The following RETREG1 variants were observed in gnomAD, a reference collection of about 807,000 sequenced individuals.
The protein encoded by RETREG1 is reticulophagy regulator 1, also known as family with sequence similarity 134 member B.
RETREG1 carries 44 observed loss-of-function variants against 54.8 expected under a neutral mutation model. That is an observed-to-expected ratio of 0.80 (90% confidence interval 0.63 to 1.03). The LOEUF is 1.03. RETREG1 is among the 50% of genes least tolerant of loss of function. RETREG1 has a pLI of 0.00. For synonymous variants in RETREG1, 217 were observed against 238.5 expected (o/e 0.91, Z 0.83); for missense variants, 554 against 605.1 (o/e 0.92, Z 0.89).
In RETREG1 at chr5:16,478,915, G is replaced by A. The variant is rs1172646761; in HGVS notation, c.743C>T (p.Ser248Leu). Reference protein sequence around the residue: ...IGQKIYSKIKSVLLKLDFGIG... With the variant: ...IGQKIYSKIKLVLLKLDFGIG... Reference sequence around the variant, plus strand: ...TCCAAAATCCAGTTTCAGCAGAACTGACTTAATTTTGCTGTAAATTTTTTG... The same window carrying A: ...TCCAAAATCCAGTTTCAGCAGAACTAACTTAATTTTGCTGTAAATTTTTTG... The change falls in exon 6 of 9, where the codon TCA becomes TTA. Residue 248 changes from serine (S) to leucine (L), a missense_variant. Physicochemically the swap from Ser to Leu is moderately radical, Grantham distance 145. Around this residue, in one of 4 missense-constraint regions of RETREG1, gnomAD observed 347 missense variants for 412.3 expected, o/e 0.84. Coordinates refer to ENST00000306320, the MANE Select transcript of RETREG1 (RefSeq NM_001034850.3). 5 of 1,611,488 alleles carry A rather than the reference G, an allele frequency of 3.1e-6. No individual in the cohort carries two copies. The highest frequency in any genetic ancestry group is 3.3e-5 in the Admixed American group (2 of 59,856).
chr5:16,610,901 A>G (rs1049607068), intron 1 of RETREG1, among the ~76,000 whole-genome samples: 3 of 152,184 alleles, frequency 2.0e-5, no homozygotes, highest in African/African-American at 4.8e-5. Context: ...CCATCCCATT[A>G]CTGGGTATAT....
At chr5:16,539,618 C>T (rs1042816409) in intron 3 of RETREG1, among the ~76,000 whole-genome samples, 65 of 152,210 alleles carry the variant, frequency 4.3e-4, no homozygotes, top group African/African-American at 1.4e-3. Flanking sequence ...GCTCCTGCAA[C>T]TGAGCCTCCC....
At chr5:16,603,592 G>A (rs1743104111) in intron 1 of RETREG1, among the ~76,000 whole-genome samples, 1 of 152,158 alleles carries the variant, frequency 6.6e-6, no homozygotes, top group South Asian at 2.1e-4. Flanking sequence ...GAGTGGGTGA[G>A]AAGAGGCACT....
At chr5:16,590,920 C>T (rs545744827) in intron 1 of RETREG1, among the ~76,000 whole-genome samples, 1 of 151,364 alleles carries the variant, frequency 6.6e-6, no homozygotes, top group African/African-American at 2.4e-5. Context: ...AAAAAACACA[C>T]ACATGCAAAT....
intron 3 of RETREG1, among the ~76,000 whole-genome samples, chr5:16,512,410 C>T (rs1263443624): frequency 1.1e-4 from 17 of 152,156 alleles, no homozygotes; most frequent in Non-Finnish European, 1.3e-4. Flanking sequence ...CCTGTATATA[C>T]TCTCTTTCCA....
At chr5:16,616,486 GGTGA>G (rs777176781) in intron 1 of RETREG1, 162 bp downstream of exon 1, 68 of 1,197,184 alleles carry the variant, frequency 5.7e-5, no homozygotes, top group Non-Finnish European at 6.7e-5. Flanking sequence ...GGAAAGTTGC[GGTGA>G]GTGTCTACCT....
At chr5:16,602,758 A>G (rs1224659924) in intron 1 of RETREG1, among the ~76,000 whole-genome samples, 1 of 152,194 alleles carries the variant, frequency 6.6e-6, no homozygotes, top group African/African-American at 2.4e-5. Context: ...CTGTAATCCC[A>G]GCACTTTGGG....
chr5:16,501,173 T>C (rs1441917540), intron 3 of RETREG1, among the ~76,000 whole-genome samples: 1 of 152,228 alleles, frequency 6.6e-6, no homozygotes. Flanking sequence ...ATATTTAACA[T>C]GGCTTACCAT....
chr5:16,546,282 C>T (rs949400704), intron 3 of RETREG1, among the ~76,000 whole-genome samples: 46 of 152,106 alleles, frequency 3.0e-4, no homozygotes, highest in Non-Finnish European at 6.3e-4. Flanking sequence ...ATCCTCCCAC[C>T]CCAGCCTCCC....
chr5:16,520,603 C>T (rs1740504645), intron 3 of RETREG1, among the ~76,000 whole-genome samples: 2 of 152,184 alleles, frequency 1.3e-5, no homozygotes, highest in South Asian at 2.1e-4. Flanking sequence ...GCTGGGATTA[C>T]AGGCGTTAGC....
At chr5:16,526,430 C>G (rs1239085919) in intron 3 of RETREG1, among the ~76,000 whole-genome samples, 2 of 152,168 alleles carry the variant, frequency 1.3e-5, no homozygotes, top group African/African-American at 4.8e-5. Flanking sequence ...CTTTGAGACC[C>G]TATTCCCAGA....
chr5:16,511,057 T>C (rs1432506703), intron 3 of RETREG1, among the ~76,000 whole-genome samples: 3 of 152,172 alleles, frequency 2.0e-5, no homozygotes, highest in African/African-American at 7.2e-5. Context: ...ACTGATTTAG[T>C]GCTATAACAG....
chr5:16,521,453 A>G (rs1740529345), intron 3 of RETREG1, among the ~76,000 whole-genome samples: 1 of 152,166 alleles, frequency 6.6e-6, no homozygotes, highest in Non-Finnish European at 1.5e-5. Context: ...TGTGCATTTC[A>G]GGGGCAAAGT....
chr5:16,612,030 A>G (rs549636180), intron 1 of RETREG1, among the ~76,000 whole-genome samples: 25 of 148,574 alleles, frequency 1.7e-4, no homozygotes, highest in Non-Finnish European at 3.6e-4. Context: ...GCACCACTGC[A>G]CTCCAGTCTG....
At chr5:16,552,861 G>T (rs1741583140) in intron 3 of RETREG1, among the ~76,000 whole-genome samples, 1 of 152,192 alleles carries the variant, frequency 6.6e-6, no homozygotes, top group Non-Finnish European at 1.5e-5. Context: ...ACACGGCTGG[G>T]TTCTGCAGTA....
chr5:16,515,531 T>C (rs1372112684), intron 3 of RETREG1, among the ~76,000 whole-genome samples: 1 of 152,146 alleles, frequency 6.6e-6, no homozygotes, highest in Non-Finnish European at 1.5e-5. Flanking sequence ...GAGACAAAGG[T>C]TTGCAGATCA....
At chr5:16,494,141 C>A (rs755275351) in intron 3 of RETREG1, among the ~76,000 whole-genome samples, 1 of 152,110 alleles carries the variant, frequency 6.6e-6, no homozygotes, top group Admixed American at 6.5e-5. Context: ...CCTTATCAGT[C>A]ACAGAAAAAA....
intron 3 of RETREG1, among the ~76,000 whole-genome samples, chr5:16,554,371 A>G (rs10475086): frequency 0.015 from 2,300 of 152,254 alleles, 67 homozygotes; most frequent in African/African-American, 0.052. Context: ...GCCTCTCCAC[A>G]GCAGCTTGGG....
intron 8 of RETREG1, among the ~76,000 whole-genome samples, chr5:16,475,994 G>C (rs1181316781): frequency 6.6e-6 from 1 of 152,106 alleles, no homozygotes; most frequent in Non-Finnish European, 1.5e-5. Context: ...GATTATTATT[G>C]TCTCTTTTGT....
Sources: gnomAD v4.1 joint callset for allele counts (sites outside exome capture counted in the v4.1 genomes callset) on GRCh38, gnomAD v4.1.1 for gene constraint, gnomAD v4.1.1 regional missense constraint, MANE v1.5 for transcripts, NCBI Gene and HGNC (gene_info 2026-07-23, HGNC 2026-07-21) for gene names.